The following DAB1 variants were observed in gnomAD, a reference collection of about 807,000 sequenced individuals.
The protein encoded by DAB1 is DAB adaptor protein 1.
A neutral mutation model predicts 64.6 loss-of-function variants in DAB1; 15 were observed. The observed-to-expected ratio is 0.23, with a 90% CI of 0.16 to 0.36. The LOEUF (loss-of-function observed/expected upper bound fraction) is 0.36. Among genes scored for constraint, DAB1 ranks in the 10% least tolerant of loss-of-function variants. The probability of loss-of-function intolerance (pLI) is 1.00; values close to 1 mark genes in which losing one functional copy is unlikely to be tolerated. For missense variants in DAB1, 596 were observed against 706.7 expected (o/e 0.84, Z 1.78); for synonymous variants, 235 against 251.9 (o/e 0.93, Z 0.64).
intron 1 of DAB1, among the ~76,000 whole-genome samples, chr1:57,415,748 C>T (rs949268667): frequency 2.6e-5 from 4 of 152,068 alleles, no homozygotes; most frequent in African/African-American, 9.7e-5. Flanking sequence ...AATAACATGG[C>T]CTGCAATTCA....
intron 1 of DAB1, among the ~76,000 whole-genome samples, chr1:57,875,582 C>A (rs1400272314): frequency 6.6e-6 from 1 of 152,152 alleles, no homozygotes; most frequent in South Asian, 2.1e-4. Context: ...GTGTGTCTAG[C>A]TCATTAGACT....
chr1:58,227,482 G>A (rs1248780694), intron 4 of DAB1, among the ~76,000 whole-genome samples: 3 of 152,126 alleles, frequency 2.0e-5, no homozygotes, highest in Non-Finnish European at 2.9e-5. Context: ...ATGTGAAGTT[G>A]AGATAGACCT....
chr1:57,576,082 C>T (rs190477897), intron 7 of DAB1, among the ~76,000 whole-genome samples: 1 of 152,244 alleles, frequency 6.6e-6, no homozygotes, highest in Admixed American at 6.5e-5. Flanking sequence ...TAAACCAATG[C>T]ACATTCAGTA....
At chr1:57,207,633 C>T (rs967060061) in intron 2 of DAB1, among the ~76,000 whole-genome samples, 7 of 149,908 alleles carry the variant, frequency 4.7e-5, no homozygotes, top group Admixed American at 6.7e-5. Context: ...TTAGTAGAGA[C>T]GGGGTTTCAC....
At chr1:58,530,743 A>C in intron 1 of DAB1, 5 of 869,630 alleles carry the variant, frequency 5.7e-6, no homozygotes, top group African/African-American at 1.6e-5. Context: ...AGAATAATCA[A>C]AATAATAAAA....
intron 2 of DAB1, among the ~76,000 whole-genome samples, chr1:57,220,413 A>C (rs572563262): frequency 1.3e-5 from 2 of 152,252 alleles, no homozygotes; most frequent in African/African-American, 4.8e-5. Context: ...AACAACCATA[A>C]CCATAATTAA....
At chr1:58,541,894 G>C (rs973053960) in intron 1 of DAB1, among the ~76,000 whole-genome samples, 3 of 152,060 alleles carry the variant, frequency 2.0e-5, no homozygotes, top group African/African-American at 4.8e-5. Flanking sequence ...CTCAGTGATA[G>C]TTACATATGT....
intron 5 of DAB1, among the ~76,000 whole-genome samples, chr1:57,912,202 A>G (rs368478562): frequency 5.9e-4 from 90 of 152,264 alleles, no homozygotes; most frequent in African/African-American, 2.0e-3. Context: ...AATCTAAATT[A>G]TTTGTCTCCC....
At chr1:58,416,707 T>C (rs1644724734) in intron 3 of DAB1, among the ~76,000 whole-genome samples, 1 of 152,186 alleles carries the variant, frequency 6.6e-6, no homozygotes, top group African/African-American at 2.4e-5. Flanking sequence ...AATCTTAATA[T>C]AGGTGGCCAC....
intron 7 of DAB1, among the ~76,000 whole-genome samples, chr1:57,439,291 C>T (rs1371002887): frequency 1.3e-5 from 2 of 152,204 alleles, no homozygotes; most frequent in African/African-American, 4.8e-5. Context: ...ATCACCAAGT[C>T]ATTGCCTAAA....
At chr1:57,452,797 C>G (rs907616837) in intron 7 of DAB1, among the ~76,000 whole-genome samples, 7 of 151,838 alleles carry the variant, frequency 4.6e-5, no homozygotes, top group African/African-American at 1.7e-4. Context: ...TTCTAAACAC[C>G]ATTGTATTTT....
At chr1:58,242,906 A>G (rs1660362412) in intron 4 of DAB1, among the ~76,000 whole-genome samples, 1 of 152,142 alleles carries the variant, frequency 6.6e-6, no homozygotes, top group Non-Finnish European at 1.5e-5. Flanking sequence ...AAAAAATAAC[A>G]TAAGCAAATG....
chr1:58,234,816 G>A (rs950571375), intron 4 of DAB1, among the ~76,000 whole-genome samples: 6 of 152,184 alleles, frequency 3.9e-5, no homozygotes, highest in Admixed American at 3.3e-4. Context: ...TTGAGCCGGA[G>A]GAAGTGACAC....
chr1:57,801,428 C>T (rs1160504534), intron 6 of DAB1, among the ~76,000 whole-genome samples: 2 of 152,132 alleles, frequency 1.3e-5, no homozygotes, highest in East Asian at 3.9e-4. Flanking sequence ...ATGCTTTCCC[C>T]TTCACAAAGG....
intron 5 of DAB1, among the ~76,000 whole-genome samples, chr1:57,954,117 G>T (rs1265784095): frequency 6.6e-6 from 1 of 152,132 alleles, no homozygotes; most frequent in Non-Finnish European, 1.5e-5. Flanking sequence ...TGGGGATGAG[G>T]GGTGTCCATC....
At chr1:57,067,029 C>A (rs150281307) in intron 8 of DAB1, among the ~76,000 whole-genome samples, 3 of 151,848 alleles carry the variant, frequency 2.0e-5, no homozygotes, top group African/African-American at 7.3e-5. Context: ...AAAAATGAGG[C>A]GCCTAATAGC....
chr1:58,386,439 T>A (rs1644432899), intron 3 of DAB1, among the ~76,000 whole-genome samples: 1 of 152,174 alleles, frequency 6.6e-6, no homozygotes, highest in Non-Finnish European at 1.5e-5. Context: ...GCACTTAAGA[T>A]GTGCAAGGAC....
At chr1:57,076,866 A>G (rs886971249) in intron 4 of DAB1, among the ~76,000 whole-genome samples, 1 of 152,202 alleles carries the variant, frequency 6.6e-6, no homozygotes. Flanking sequence ...CCATTCATCC[A>G]GTTACTCACA....
intron 7 of DAB1, among the ~76,000 whole-genome samples, chr1:57,594,176 C>T (rs1645479026): frequency 1.3e-5 from 2 of 152,182 alleles, no homozygotes; most frequent in South Asian, 2.1e-4. Flanking sequence ...TTGCTAATGA[C>T]CACTTGCCCC....
Sources: gnomAD v4.1 joint callset for allele counts (sites outside exome capture counted in the v4.1 genomes callset) on GRCh38, gnomAD v4.1.1 for gene constraint, MANE v1.5 for transcripts, NCBI Gene and HGNC (gene_info 2026-07-23, HGNC 2026-07-21) for gene names.